Variants in LARP4 observed in about 807,000 individuals in gnomAD.
LARP4 encodes La ribonucleoprotein 4.
LARP4 carries 29 observed loss-of-function variants against 92.9 expected under a neutral mutation model. The observed-to-expected ratio is 0.31, with a 90% CI of 0.23 to 0.43. The LOEUF is 0.43. Among genes scored for constraint, LARP4 ranks in the 20% least tolerant of loss-of-function variants. LARP4 has a pLI of 1.00. For missense variants in LARP4, 732 were observed against 860.0 expected (o/e 0.85, Z 1.86); for synonymous variants, 279 against 284.1 (o/e 0.98, Z 0.18).
intron 10 of LARP4, among the ~76,000 whole-genome samples, chr12:50,455,282 G>A (rs1954009214): frequency 6.6e-6 from 1 of 152,114 alleles, no homozygotes; most frequent in African/African-American, 2.4e-5. Flanking sequence ...GGGACGACTG[G>A]TCTTGAACTC....
At chr12:50,452,908 CTGCT>C (rs1161371646) in intron 8 of LARP4, among the ~76,000 whole-genome samples, 2 of 151,866 alleles carry the variant, frequency 1.3e-5, no homozygotes, top group African/African-American at 4.8e-5. Context: ...GGTTTTTACT[CTGCT>C]TGTTGTTGTT....
intron 1 of LARP4, among the ~76,000 whole-genome samples, chr12:50,421,952 T>C (rs1020727786): frequency 6.6e-6 from 1 of 151,592 alleles, no homozygotes; most frequent in African/African-American, 2.4e-5. Context: ...AAAAGAGATA[T>C]TAATACTTAC....
chr12:50,446,003 CTTTTTTTTTT>C (rs71441367), intron 8 of LARP4, among the ~76,000 whole-genome samples: 3 of 126,948 alleles, frequency 2.4e-5, no homozygotes, highest in Non-Finnish European at 5.0e-5. Flanking sequence ...TTTCTTTTTT[CTTTTTTTTTT>C]TTTTTTTGAG....
intron 8 of LARP4, among the ~76,000 whole-genome samples, chr12:50,446,470 C>T (rs1388844830): frequency 7.6e-6 from 1 of 131,256 alleles, no homozygotes; most frequent in Admixed American, 8.4e-5. Context: ...CTCTGTTATC[C>T]AGGCTGGAGT....
intron 9 of LARP4, among the ~76,000 whole-genome samples, chr12:50,453,961 A>G (rs911235500): frequency 6.6e-6 from 1 of 152,168 alleles, no homozygotes; most frequent in Non-Finnish European, 1.5e-5. Flanking sequence ...ATGGATATCT[A>G]ATTCTCCATA....
chr12:50,450,634 G>T (rs1190287849), intron 8 of LARP4, among the ~76,000 whole-genome samples: 2 of 152,104 alleles, frequency 1.3e-5, no homozygotes, highest in Non-Finnish European at 2.9e-5. Context: ...GAGTAGCTGG[G>T]ATTACAGGTG....
chr12:50,427,772 C>G lies in LARP4; in HGVS notation c.29C>G (p.Ser10Cys), dbSNP rs1949018994. 5 of 1,564,996 alleles carry G rather than the reference C, an allele frequency of 3.2e-6. No individual in the cohort carries two copies. The South Asian group carries it at 6.0e-5, about 19-fold the overall frequency. ...CCTTCGATTATTTAGCAGGTAGCAT[C>G]TAAAGGAACTGGTTTAAATCCTAAT... MLLFVEQVA[S>C]KGTGLNPNAK... is the part of the protein sequence containing the mutation. Residue 10 changes from serine (S) to cysteine (C), a missense_variant, in exon 2 of 16, where the codon TCT becomes TGT. Physicochemically the swap from Ser to Cys is moderately radical, Grantham distance 112 (BLOSUM62 -1). Transcript: ENST00000398473.
chr12:50,401,410 G>A, intron 1 of LARP4: 1 of 215,340 alleles, frequency 4.6e-6, no homozygotes, highest in Non-Finnish European at 9.3e-6. Flanking sequence ...GCCGAGCGCG[G>A]CCTCGCGGGG....
At chr12:50,431,193 C>G (rs968177138) in intron 4 of LARP4, among the ~76,000 whole-genome samples, 1 of 151,744 alleles carries the variant, frequency 6.6e-6, no homozygotes, top group Non-Finnish European at 1.5e-5. Flanking sequence ...ACTTGAACCC[C>G]GGAGGCGAAG....
intron 4 of LARP4, among the ~76,000 whole-genome samples, chr12:50,432,277 T>C (rs1308288969): frequency 6.6e-6 from 1 of 152,250 alleles, no homozygotes; most frequent in Admixed American, 6.5e-5. Context: ...GTAGGTGATA[T>C]AACTCTAGAC....
intron 6 of LARP4, among the ~76,000 whole-genome samples, chr12:50,439,500 T>G (rs1431300875): frequency 6.6e-6 from 1 of 152,132 alleles, no homozygotes; most frequent in East Asian, 1.9e-4. Context: ...ACTCCTTGGC[T>G]CAAGCAGTCC....
intron 1 of LARP4, among the ~76,000 whole-genome samples, chr12:50,406,902 G>T (rs1401353307): frequency 6.6e-6 from 1 of 152,028 alleles, no homozygotes; most frequent in Non-Finnish European, 1.5e-5. Flanking sequence ...ATTTTTAGTA[G>T]AGACGAGGTT....
rs181393584 is a variant in LARP4, at chr12:50,402,190, T to G, written c.18+1162T>G. On this transcript the variant is annotated intron_variant, in intron 1 of 15. Transcript: ENST00000398473. ...CCAGCATAAAGTAAATAAATGATTT[T>G]ACGGTTTTTTTTTCTCTTTAAACTA... 7.8e-3 allele frequency among the ~76,000 whole-genome samples: 1,155 copies of G among 148,818 alleles called. 52 individuals carry two copies. The highest frequency in any genetic ancestry group is 0.073 in the Admixed American group (1,090 of 15,034).
chr12:50,461,417 C>T, intron 11 of LARP4, 70 bp downstream of exon 11: 1 of 1,292,570 alleles, frequency 7.7e-7, no homozygotes, highest in Non-Finnish European at 1.1e-6. Context: ...AGAACATGAT[C>T]TTCATAATAA....
intron 6 of LARP4, among the ~76,000 whole-genome samples, chr12:50,438,073 CAA>C (rs1950688211): frequency 6.6e-6 from 1 of 152,096 alleles, no homozygotes; most frequent in African/African-American, 2.4e-5. Flanking sequence ...GAAGGGTAGA[CAA>C]AGTATTGCAG....
chr12:50,428,082 A>G (rs1219744836), intron 2 of LARP4, among the ~76,000 whole-genome samples, 173 bp downstream of exon 2: 1 of 128,414 alleles, frequency 7.8e-6, no homozygotes, highest in African/African-American at 3.0e-5. Flanking sequence ...TGCAACCTCC[A>G]CCTCCCGGGT....
At chr12:50,456,547 T>G (rs1181764502) in intron 10 of LARP4, among the ~76,000 whole-genome samples, 1 of 152,216 alleles carries the variant, frequency 6.6e-6, no homozygotes, top group Non-Finnish European at 1.5e-5. Context: ...GAGAGCCTTT[T>G]GCAATTTTTA....
At chr12:50,453,825 A>G (rs553164519) in intron 9 of LARP4, among the ~76,000 whole-genome samples, 153 bp downstream of exon 9, 198 of 151,824 alleles carry the variant, frequency 1.3e-3, no homozygotes, top group African/African-American at 4.8e-3. Flanking sequence ...TAGAGATGGA[A>G]TTTTGCCATG....
chr12:50,471,860 T>A (rs1956974846), intron 13 of LARP4, among the ~76,000 whole-genome samples: 1 of 152,180 alleles, frequency 6.6e-6, no homozygotes, highest in Admixed American at 6.5e-5. Flanking sequence ...TCATATATTT[T>A]TTTTACACAT....
Sources: gnomAD v4.1 joint callset for allele counts (sites outside exome capture counted in the v4.1 genomes callset) on GRCh38, gnomAD v4.1.1 for gene constraint, MANE v1.5 for transcripts, NCBI Gene and HGNC (gene_info 2026-07-23, HGNC 2026-07-21) for gene names.